RNPEP: variants seen among roughly 807,000 people sequenced by gnomAD.
RNPEP encodes arginyl aminopeptidase.
Under a neutral mutation model 70.1 loss-of-function variants are expected in RNPEP, and 57 were observed. The observed-to-expected ratio is 0.81, with a 90% CI of 0.66 to 1.01. The LOEUF is 1.01. Among genes scored for constraint, RNPEP ranks in the 50% least tolerant of loss-of-function variants. The pLI is 0.00. For missense variants in RNPEP, 787 were observed against 852.4 expected (o/e 0.92, Z 0.96); for synonymous variants, 335 against 357.4 (o/e 0.94, Z 0.71).
In RNPEP at chr1:202,003,464, A is replaced by G; in HGVS notation, c.1651+3A>G. Reference sequence around the variant, plus strand: ...CCAGAAATCCCCTCTCCCTCCTGGTAAGAAAAAATGGTGAACCAGGGCTCC... The same window carrying G: ...CCAGAAATCCCCTCTCCCTCCTGGTGAGAAAAAATGGTGAACCAGGGCTCC... On this transcript the variant is annotated splice_donor_region_variant and intron_variant, in intron 9 of 10. Transcript: ENST00000295640. The G allele has an allele frequency of 2.5e-6, 4 of 1,603,660 alleles. No individual in the cohort carries two copies. Among genetic ancestry groups the G allele is most frequent in the Non-Finnish European group, 3.4e-6 (4 of 1,171,458 alleles).
intron 1 of RNPEP, among the ~76,000 whole-genome samples, chr1:201,987,932 G>A (rs1369170570): frequency 2.0e-5 from 3 of 151,748 alleles, no homozygotes; most frequent in Non-Finnish European, 4.4e-5. Flanking sequence ...CCTGAGGTCA[G>A]GAGTTCAAGA....
intron 9 of RNPEP, 62 bp downstream of exon 9, chr1:202,003,523 G>C: frequency 8.2e-7 from 1 of 1,225,448 alleles, no homozygotes; most frequent in Non-Finnish European, 1.2e-6. Flanking sequence ...GGGCTAGAGG[G>C]AGGCTCACAA....
intron 1 of RNPEP, chr1:201,983,355 C>T: frequency 2.0e-6 from 3 of 1,498,160 alleles, no homozygotes; most frequent in South Asian, 1.3e-5. Context: ...ATCCTTCACC[C>T]TTTCCGTCCT....
intron 3 of RNPEP, 134 bp from the exon 4 acceptor site, chr1:201,996,013 G>A: frequency 3.0e-6 from 2 of 660,164 alleles, no homozygotes; most frequent in Non-Finnish European, 5.4e-6. Flanking sequence ...ATCCGATCTT[G>A]CACTCCGTCA....
chr1:201,988,234 C>T (rs947577424), intron 1 of RNPEP, among the ~76,000 whole-genome samples: 26 of 151,558 alleles, frequency 1.7e-4, no homozygotes, highest in African/African-American at 5.6e-4. Flanking sequence ...CTGAGGTGGG[C>T]GGGTTGCTTG....
chr1:201,997,577 A>C (rs1450010252), intron 5 of RNPEP, 23 bp downstream of exon 5: 7 of 1,574,802 alleles, frequency 4.4e-6, no homozygotes, highest in Non-Finnish European at 6.1e-6. Context: ...CCCCTCTCCT[A>C]AGGAGTCTGC....
At position 201,984,821 on chromosome 1, in the gene RNPEP, C is replaced by CTTTTTTTTTT. The variant is rs200795347; in HGVS notation, c.447+1735_447+1744dup. Among the ~76,000 whole-genome samples the CTTTTTTTTTT allele has an allele frequency of 3.9e-4, 48 of 121,984 alleles. 3 individuals carry two copies. Among genetic ancestry groups the CTTTTTTTTTT allele is most frequent in the South Asian group, 5.0e-4 (2 of 3,972 alleles). The allele number at this position is 121,984 out of a possible 152,430, so 80.0% of individuals were successfully genotyped here. A position where few individuals can be genotyped will look rare whatever the true frequency, so the allele number is the denominator to read the frequency against. ...TTACTGCTAACTTTTGTATTTCTTT[C>CTTTTTTTTTT]TTTTTTTTTTTTTTTTTTTTTTTTT... On this transcript the variant is annotated intron_variant, in intron 1 of 10. Coordinates refer to ENST00000295640, the MANE Select transcript of RNPEP (RefSeq NM_020216.4).
At chr1:202,004,301 T>C (rs890146563) in intron 9 of RNPEP, 53 bp from the exon 10 acceptor site, 5 of 1,602,932 alleles carry the variant, frequency 3.1e-6, no homozygotes, top group Non-Finnish European at 4.3e-6. Context: ...ATTCTAGTAT[T>C]ACAGGTGTGA....
rs185441577 is a variant in RNPEP at position 202,005,781 on chromosome 1, C to A, written c.*65C>A. On this transcript the variant is annotated 3_prime_UTR_variant, in exon 11 of 11. Transcript: ENST00000295640. The stretch of plus-strand genomic sequence containing the variant: ...GGCTTTCAGAATAATTGTTTGTTCC[C>A]AAATTCCTGTTCCCTGATCAACTTC... The A allele has an allele frequency of 2.2e-4, 351 of 1,564,366 alleles. 2 individuals are homozygous for A. The Middle Eastern group carries it at 2.5e-3, about 11-fold the overall frequency.
intron 4 of RNPEP, among the ~76,000 whole-genome samples, chr1:201,996,895 G>A (rs531448619): frequency 4.6e-5 from 7 of 152,196 alleles, no homozygotes; most frequent in Non-Finnish European, 1.0e-4. Context: ...TCCCATTGCT[G>A]GAAGTTTCCC....
chr1:201,997,654 A>T (rs1683611252), intron 5 of RNPEP, 100 bp downstream of exon 5: 7 of 853,402 alleles, frequency 8.2e-6, no homozygotes, highest in Non-Finnish European at 1.3e-5. Flanking sequence ...AGTGGGTGTG[A>T]AGAGACGAGG....
intron 9 of RNPEP, among the ~76,000 whole-genome samples, 165 bp from the exon 10 acceptor site, chr1:202,004,189 A>G (rs927566640): frequency 2.6e-5 from 4 of 152,070 alleles, no homozygotes; most frequent in African/African-American, 7.2e-5. Context: ...ACACCCGGCC[A>G]GTTTTGTTTG....
intron 3 of RNPEP, 48 bp downstream of exon 3, chr1:201,989,579 G>A: frequency 6.2e-7 from 1 of 1,606,630 alleles, no homozygotes; most frequent in Non-Finnish European, 8.5e-7. Flanking sequence ...CCTCAGAGGT[G>A]AGGAGGACTC....
At chr1:202,004,184 C>T (rs915414509) in intron 9 of RNPEP, among the ~76,000 whole-genome samples, 170 bp from the exon 10 acceptor site, 4 of 152,260 alleles carry the variant, frequency 2.6e-5, no homozygotes, top group East Asian at 3.9e-4. Context: ...CCACCACACC[C>T]GGCCAGTTTT....
chr1:201,995,404 C>G (rs1303631269), intron 3 of RNPEP, among the ~76,000 whole-genome samples: 3 of 152,138 alleles, frequency 2.0e-5, no homozygotes, highest in African/African-American at 7.2e-5. Context: ...AGGTTTGGGT[C>G]GGACACAGTG....
In RNPEP at chr1:202,005,845, C is replaced by G; in HGVS notation, c.*129C>G. Reference sequence around the variant, plus strand: ...CCCCTCAGGATAATCTATTCTCTAGCTTAGGTATCTGTGACTCTTGGGCCT... The same window carrying G: ...CCCCTCAGGATAATCTATTCTCTAGGTTAGGTATCTGTGACTCTTGGGCCT... On this transcript the variant is annotated 3_prime_UTR_variant, in exon 11 of 11. Coordinates refer to ENST00000295640, the MANE Select transcript of RNPEP (RefSeq NM_020216.4). The G allele has an allele frequency of 2.7e-6, 3 of 1,117,274 alleles. No individual in the cohort carries two copies. The highest frequency in any genetic ancestry group is 3.9e-6 in the Non-Finnish European group (3 of 779,044). 69.2% of individuals were successfully genotyped at this position (1,117,274 alleles called of 1,614,324 possible).
At chr1:202,004,561 AATC>A in intron 10 of RNPEP, 65 bp downstream of exon 10, 1 of 1,582,776 alleles carries the variant, frequency 6.3e-7, no homozygotes, top group Non-Finnish European at 8.6e-7. Flanking sequence ...TATGTGAAGT[AATC>A]ATGTGGGCAG....
At position 201,983,107 on chromosome 1, in the gene RNPEP, A is replaced by G; in HGVS notation, c.441A>G (p.Gly147=). ...QVLLTYRVGE[G]PGVCWLAPEQ... ...TGCTCACCTACCGCGTCGGGGAGGG[A>G]CCCGGGGTGAGTGCGCCCCAGACTG... is the stretch of plus-strand genomic sequence containing the variant. Residue 147 remains glycine (G), a synonymous_variant, in exon 1 of 11, where the codon GGA becomes GGG. Coordinates refer to ENST00000295640, the MANE Select transcript of RNPEP (RefSeq NM_020216.4). The G allele has an allele frequency of 3.4e-6, 5 of 1,481,374 alleles. No individual in the cohort carries two copies. Among genetic ancestry groups the G allele is most frequent in the Non-Finnish European group, 4.4e-6 (5 of 1,125,552 alleles). 91.8% of individuals were successfully genotyped at this position (1,481,374 alleles called of 1,614,324 possible).
chr1:201,982,855 G>T lies in RNPEP; in HGVS notation c.189G>T (p.Ala63=), dbSNP rs1682987584. ...GGAGCCGGGGGCTGAGCGGCACCGC[G>T]GTCCTGGACCTGCGCTGCCTGGAGC... The part of the protein sequence containing the change: ...GAGSRGLSGT[A]VLDLRCLEPE... The change falls in exon 1 of 11, where the codon GCG becomes GCT. Residue 63 remains alanine, a synonymous_variant. Coordinates refer to ENST00000295640, the MANE Select transcript of RNPEP (RefSeq NM_020216.4). The T allele has an allele frequency of 8.8e-6, 12 of 1,359,822 alleles. No individual in the cohort carries two copies. Among genetic ancestry groups the T allele is most frequent in the Non-Finnish European group, 1.1e-5 (12 of 1,059,260 alleles). 84.2% of individuals were successfully genotyped at this position (1,359,822 alleles called of 1,614,324 possible). A position where few individuals can be genotyped will look rare whatever the true frequency, so the allele number is the denominator to read the frequency against.
Sources: allele counts gnomAD v4.1 joint callset (sites outside exome capture counted in the v4.1 genomes callset), GRCh38; gene constraint gnomAD v4.1.1; transcripts MANE v1.5; gene names NCBI Gene and HGNC (gene_info 2026-07-23, HGNC 2026-07-21).